Variants in HNRNPA2B1 observed in about 807,000 individuals in gnomAD.
The protein encoded by HNRNPA2B1 is heterogeneous nuclear ribonucleoproteins A2/B1.
A neutral mutation model predicts 46.3 loss-of-function variants in HNRNPA2B1; 3 were observed. That is an observed-to-expected ratio of 0.06 (90% CI 0.03 to 0.17). The LOEUF (loss-of-function observed/expected upper bound fraction) is 0.17. HNRNPA2B1 is among the 10% of genes least tolerant of loss of function. HNRNPA2B1 has a pLI of 1.00. For missense variants in HNRNPA2B1, 221 were observed against 418.9 expected, an observed-to-expected ratio of 0.53 and a Z score of 4.12; for synonymous variants, 225 against 133.8, an observed-to-expected ratio of 1.68 and a Z score of -4.70.
Position 26,197,505 on chromosome 7 carries a change from G to C in HNRNPA2B1, c.118-44C>G, listed in dbSNP as rs558122025. On this transcript the variant is annotated intron_variant, in intron 2 of 10. Coordinates refer to ENST00000618183, the MANE Select transcript of HNRNPA2B1 (RefSeq NM_002137.4). ...AACTTTAGCATTTAATCTCATTATA[G>C]CTTATAAGTGAAGTCATAATAGAAT... is the stretch of plus-strand genomic sequence containing the variant. 10 of 1,597,222 alleles carry C rather than the reference G, an allele frequency of 6.3e-6. No individual in the cohort carries two copies. The East Asian group carries it at 2.0e-4, about 32-fold the overall frequency.
Position 26,200,105 on chromosome 7 carries a change from A to C in HNRNPA2B1, c.6+467T>G, listed in dbSNP as rs528486286. On this transcript the variant is annotated intron_variant, in intron 1 of 10. Coordinates refer to ENST00000618183, the MANE Select transcript of HNRNPA2B1 (RefSeq NM_002137.4). ...CTAAGAAAATAAAAGAGTTATAAGG[A>C]AAACGCTGAGAGGAAGGCGAGCCAT... 10 of 195,738 alleles carry C rather than the reference A, an allele frequency of 5.1e-5. No homozygotes were observed. In the East Asian group the frequency reaches 1.2e-3, roughly 24 times the overall value. The allele number at this position is 195,738 out of a possible 1,614,324, so 12.1% of individuals were successfully genotyped here.
chr7:26,197,210 T>A, intron 3 of HNRNPA2B1, 105 bp downstream of exon 3: 1 of 1,379,466 alleles, frequency 7.2e-7, no homozygotes, highest in Non-Finnish European at 9.9e-7. Context: ...ACACCTTTAA[T>A]AAGAGAAAAA....
intron 3 of HNRNPA2B1, 57 bp downstream of exon 3, chr7:26,197,258 T>G (rs1314627831): frequency 6.6e-7 from 1 of 1,520,524 alleles, no homozygotes; most frequent in African/African-American, 1.4e-5. Context: ...TAGTTTCTGA[T>G]TTTCAGCAGG....
In HNRNPA2B1 at chr7:26,190,017, AG is replaced by A. The variant is rs1318091747; in HGVS notation, c.*2342del. 1.3e-5 allele frequency: 2 copies of A among 152,466 alleles called. No individual in the cohort carries two copies. The highest frequency in any genetic ancestry group is 2.9e-5 in the Non-Finnish European group (2 of 68,032). The allele number at this position is 152,466 out of a possible 1,614,324, so 9.4% of individuals were successfully genotyped here. On this transcript the variant is annotated 3_prime_UTR_variant, in exon 11 of 11. Transcript: ENST00000618183. ...TACCTGTTAATATTAAAATATGCAT[AG>A]CTTTGTGAAACTGCTTTTAAAAATT... is the stretch of plus-strand genomic sequence containing the variant.
intron 1 of HNRNPA2B1, chr7:26,198,116 CCTA>C: frequency 2.8e-6 from 1 of 351,002 alleles, no homozygotes; most frequent in Non-Finnish European, 5.0e-6. Flanking sequence ...AAATTTCAAC[CCTA>C]CAACCTAAAA....
At position 26,196,411 on chromosome 7, in the gene HNRNPA2B1, T is replaced by G; in HGVS notation, c.648A>C (p.Arg216Ser). The G allele has an allele frequency of 6.2e-7, 1 of 1,613,716 alleles. No homozygotes were observed. Among genetic ancestry groups the G allele is most frequent in the Non-Finnish European group, 8.5e-7 (1 of 1,179,608 alleles). The change falls in exon 6 of 11, where the codon AGA (arginine) becomes AGC (serine). Residue 216 changes from arginine (R) to serine (S), a missense_variant. This residue lies in a region of HNRNPA2B1 where 143 missense variants were observed against 200.5 expected (regional missense o/e 0.71). Coordinates refer to ENST00000618183, the MANE Select transcript of HNRNPA2B1 (RefSeq NM_002137.4). ...GAACTTGAAACTCACCAGATCCTCC[T>G]CTAAAGTTACTTCCTGGTCCTGGTC... Reference protein sequence around the residue: ...NFGPGPGSNFRGGSDGYGSGR... With the variant: ...NFGPGPGSNFSGGSDGYGSGR...
At position 26,195,893 on chromosome 7, in the gene HNRNPA2B1, T is replaced by C. The variant is rs199650578; in HGVS notation, c.675A>G (p.Gly225=). The C allele has an allele frequency of 1.2e-6, 2 of 1,609,474 alleles. No individual in the cohort carries two copies. The highest frequency in any genetic ancestry group is 2.2e-5 in the South Asian group (2 of 90,150). Residue 225 remains glycine (G), a synonymous_variant, in exon 7 of 11, where the codon GGA becomes GGG. Transcript: ENST00000618183. The part of the protein sequence containing the change: ...FRGGSDGYGS[G]RGFGDGYNGY... Reference sequence around the variant, plus strand: ...CATTATAGCCATCCCCAAATCCACGTCCACTGCCATATCCATCTGTTAGGG... The same window carrying C: ...CATTATAGCCATCCCCAAATCCACGCCCACTGCCATATCCATCTGTTAGGG...
intron 1 of HNRNPA2B1, chr7:26,198,349 A>G (rs1194992433): frequency 1.3e-5 from 2 of 152,668 alleles, no homozygotes; most frequent in African/African-American, 4.8e-5. Context: ...ATATTTAAAG[A>G]TATGCATTAG....
intron 6 of HNRNPA2B1, 50 bp downstream of exon 6, chr7:26,196,351 T>C (rs778603165): frequency 1.4e-6 from 2 of 1,445,500 alleles, no homozygotes; most frequent in African/African-American, 1.4e-5. Flanking sequence ...CTAATCATAT[T>C]TAAAATAAAA....
chr7:26,190,214 T>C lies in HNRNPA2B1; in HGVS notation c.*2146A>G, dbSNP rs946823139. On this transcript the variant is annotated 3_prime_UTR_variant, in exon 11 of 11. Coordinates refer to ENST00000618183, the MANE Select transcript of HNRNPA2B1 (RefSeq NM_002137.4). Reference sequence around the variant, plus strand: ...TCACAAAACCTAATTTAAAACATGATACATTTATCTCTCTAGCCAATTTGA... The same window carrying C: ...TCACAAAACCTAATTTAAAACATGACACATTTATCTCTCTAGCCAATTTGA... 2.0e-5 allele frequency: 3 copies of C among 152,668 alleles called. No individual in the cohort carries two copies. The highest frequency in any genetic ancestry group is 2.9e-5 in the Non-Finnish European group (2 of 68,030). 9.5% of individuals were successfully genotyped at this position (152,668 alleles called of 1,614,324 possible).
chr7:26,194,858 G>T (rs1043807991), intron 7 of HNRNPA2B1, among the ~76,000 whole-genome samples: 1 of 151,620 alleles, frequency 6.6e-6, no homozygotes, highest in Non-Finnish European at 1.5e-5. Flanking sequence ...GTTTTTGGGA[G>T]GCCAAGGTGG....
At position 26,193,685 on chromosome 7, in the gene HNRNPA2B1, A is replaced by G. The variant is rs753907415; in HGVS notation, c.731T>C (p.Phe244Ser). ...GYGGGPGGGN[F>S]GGSPGYGGGR... The stretch of plus-strand genomic sequence containing the variant: ...TCCTCCATAACCGGGGCTACCTCCA[A>G]AATTGCCACCTATTATAAAATAAGC... The change falls in exon 8 of 11, where the codon TTT becomes TCT. Residue 244 changes from phenylalanine to serine, a missense_variant. Physicochemically the swap from Phe to Ser is radical, Grantham distance 155. This residue lies in a region of HNRNPA2B1 where 143 missense variants were observed against 200.5 expected (regional missense o/e 0.71). Coordinates refer to ENST00000618183, the MANE Select transcript of HNRNPA2B1 (RefSeq NM_002137.4). 1 of 1,611,872 alleles carries G rather than the reference A, an allele frequency of 6.2e-7. No individual in the cohort carries two copies. The highest frequency in any genetic ancestry group is 8.5e-7 in the Non-Finnish European group (1 of 1,178,956).
At position 26,197,604 on chromosome 7, in the gene HNRNPA2B1, A is replaced by G. The variant is rs1351285535; in HGVS notation, c.117+18T>C. The G allele has an allele frequency of 5.7e-6, 9 of 1,590,048 alleles. No individual in the cohort carries two copies. The African/African-American group carries it at 6.7e-5, about 12-fold the overall frequency. On this transcript the variant is annotated intron_variant, in intron 2 of 10. Transcript: ENST00000618183. Reference sequence around the variant, plus strand: ...GCTAAAAGACTAATATCCAGTAACAATTCAGTAATTTACATACCACACAGT... The same window carrying G: ...GCTAAAAGACTAATATCCAGTAACAGTTCAGTAATTTACATACCACACAGT...
chr7:26,194,770 TAC>T (rs955918059), intron 7 of HNRNPA2B1, among the ~76,000 whole-genome samples: 18 of 150,660 alleles, frequency 1.2e-4, no homozygotes, highest in African/African-American at 4.2e-4. Context: ...AACAAAAATT[TAC>T]ACTTTCACAT....
intron 7 of HNRNPA2B1, 45 bp downstream of exon 7, chr7:26,195,802 A>T (rs1358327908): frequency 3.1e-6 from 5 of 1,591,848 alleles, no homozygotes; most frequent in East Asian, 4.5e-5. Context: ...CGATATAGTT[A>T]AGTATTAGTC....
At chr7:26,197,175 T>G in intron 3 of HNRNPA2B1, 140 bp downstream of exon 3, 1 of 1,204,736 alleles carries the variant, frequency 8.3e-7, no homozygotes. Flanking sequence ...TAAGCTAGCT[T>G]AAGAAAATGG....
At chr7:26,197,046 C>G (rs370538706) in intron 3 of HNRNPA2B1, 29 bp from the exon 4 acceptor site, 11 of 1,547,564 alleles carry the variant, frequency 7.1e-6, no homozygotes, top group Non-Finnish European at 9.7e-6. Flanking sequence ...AAAAGTCATC[C>G]AAACAGAAAA....
chr7:26,193,714 T>G lies in HNRNPA2B1; in HGVS notation c.722-20A>C. 6.2e-7 allele frequency: 1 copy of G among 1,600,792 alleles called. No individual in the cohort carries two copies. Among genetic ancestry groups the G allele is most frequent in the Non-Finnish European group, 8.5e-7 (1 of 1,170,808 alleles). ...TGCCACCTATTATAAAATAAGCCTT[T>G]AAGTAATCACTTAATATTTTCAATA... On this transcript the variant is annotated intron_variant, in intron 7 of 10. Transcript: ENST00000618183.
intron 7 of HNRNPA2B1, among the ~76,000 whole-genome samples, chr7:26,194,685 C>T (rs1422726704): frequency 6.6e-6 from 1 of 151,464 alleles, no homozygotes; most frequent in Non-Finnish European, 1.5e-5. Flanking sequence ...AAAGCCAGAC[C>T]CCATTTCAAA....
Sources: gnomAD v4.1 joint callset for allele counts (sites outside exome capture counted in the v4.1 genomes callset) on GRCh38, gnomAD v4.1.1 for gene constraint, gnomAD v4.1.1 regional missense constraint, MANE v1.5 for transcripts, NCBI Gene and HGNC (gene_info 2026-07-23, HGNC 2026-07-21) for gene names.